Variants in LRMDA observed in about 807,000 individuals in gnomAD.
LRMDA encodes leucine rich melanocyte differentiation associated, also known as leucine-rich melanocyte differentiation-associated protein.
A neutral mutation model predicts 29.8 loss-of-function variants in LRMDA; 18 were observed. That is an observed-to-expected ratio of 0.60 (90% CI 0.42 to 0.90). LRMDA has a LOEUF of 0.90. LRMDA is among the 40% of genes least tolerant of loss of function. The pLI, the probability that LRMDA is intolerant of heterozygous loss-of-function variation, is 0.00. For synonymous variants in LRMDA, 125 were observed against 109.4 expected, an observed-to-expected ratio of 1.14 and a Z score of -0.89; for missense variants, 273 against 273.9, an observed-to-expected ratio of 1.00 and a Z score of 0.02.
chr10:76,550,851 T>C (rs7898456), intron 6 of LRMDA, among the ~76,000 whole-genome samples: 53,391 of 152,004 alleles, frequency 0.35, 9,904 homozygotes, highest in Non-Finnish European at 0.4. Flanking sequence ...TTATTCTGTC[T>C]TAGTATTTAA....
intron 2 of LRMDA, among the ~76,000 whole-genome samples, chr10:75,491,252 G>C (rs1354407739): frequency 7.9e-5 from 12 of 152,176 alleles, no homozygotes. Flanking sequence ...TTGAGACTGT[G>C]CTTTATATTA....
chr10:75,656,343 G>C (rs1841673782), intron 2 of LRMDA, among the ~76,000 whole-genome samples: 1 of 152,150 alleles, frequency 6.6e-6, no homozygotes, highest in Non-Finnish European at 1.5e-5. Context: ...CTGTGCCTTA[G>C]TTTCTTTATC....
chr10:76,468,870 G>C (rs1842590342), intron 6 of LRMDA, among the ~76,000 whole-genome samples: 1 of 152,148 alleles, frequency 6.6e-6, no homozygotes. Context: ...AAGAGGCATG[G>C]AGAGGGAGAA....
chr10:76,067,537 C>G (rs1446922631), intron 5 of LRMDA, among the ~76,000 whole-genome samples: 1 of 152,072 alleles, frequency 6.6e-6, no homozygotes, highest in Non-Finnish European at 1.5e-5. Context: ...TAAAGTTATC[C>G]ATATTTAAAA....
chr10:75,955,937 A>T (rs983234367), intron 2 of LRMDA, among the ~76,000 whole-genome samples: 8 of 152,232 alleles, frequency 5.3e-5, no homozygotes, highest in Non-Finnish European at 1.2e-4. Flanking sequence ...AAAGTTTATT[A>T]GTTATCTATT....
chr10:75,990,481 A>G (rs977985663), intron 2 of LRMDA, among the ~76,000 whole-genome samples: 1 of 152,222 alleles, frequency 6.6e-6, no homozygotes, highest in Non-Finnish European at 1.5e-5. Flanking sequence ...AAAAGTACAG[A>G]AATTATTAAT....
intron 5 of LRMDA, among the ~76,000 whole-genome samples, chr10:76,201,478 C>T (rs1244426966): frequency 6.6e-6 from 1 of 152,232 alleles, no homozygotes; most frequent in Non-Finnish European, 1.5e-5. Context: ...AGAGCTAGGT[C>T]TCATACCAAG....
rs34563574 is a variant in LRMDA, at chr10:76,180,277, C to CTTTT, written c.516+121517_516+121520dup. Among the ~76,000 whole-genome samples the CTTTT allele has an allele frequency of 3.3e-4, 30 of 89,862 alleles. 1 individual carries two copies. In the East Asian group the frequency reaches 5.0e-3, roughly 15 times the overall value. The allele number at this position is 89,862 out of a possible 152,430, so 59.0% of individuals were successfully genotyped here. On this transcript the variant is annotated intron_variant, in intron 5 of 6. Transcript: ENST00000611255. ...GCCATGGCCACTGCTTTGGAAAAAACTTTTTTTTTTTTTTTTTTTTTTTTT... is the reference window on the plus strand; with the variant it reads ...GCCATGGCCACTGCTTTGGAAAAAACTTTTTTTTTTTTTTTTTTTTTTTTTTTTT...
intron 2 of LRMDA, among the ~76,000 whole-genome samples, chr10:75,709,603 G>A (rs1842412612): frequency 6.6e-6 from 1 of 152,180 alleles, no homozygotes; most frequent in South Asian, 2.1e-4. Context: ...TCGTGCAGAA[G>A]TCATGATATT....
intron 2 of LRMDA, among the ~76,000 whole-genome samples, chr10:75,807,775 T>C (rs1843882038): frequency 6.6e-6 from 1 of 152,222 alleles, no homozygotes; most frequent in Non-Finnish European, 1.5e-5. Flanking sequence ...GAAAACATAA[T>C]GTACCTGTAT....
At position 76,526,685 on chromosome 10, in the gene LRMDA, A is replaced by G. The variant is rs1428968125; in HGVS notation, c.602-30524A>G. ...CTTTGCTAGATGCCATATGCACATC[A>G]ACTTATATCATGTTTACAACCACCT... On this transcript the variant is annotated intron_variant, in intron 6 of 6. Transcript: ENST00000611255. Among the ~76,000 whole-genome samples the G allele has an allele frequency of 7.9e-5, 12 of 151,928 alleles. No individual in the cohort carries two copies. In the East Asian group the frequency reaches 2.3e-3, roughly 29 times the overall value.
intron 2 of LRMDA, among the ~76,000 whole-genome samples, chr10:75,687,244 A>G (rs549277400): frequency 1.3e-5 from 2 of 152,364 alleles, no homozygotes; most frequent in South Asian, 2.1e-4. Flanking sequence ...ACAGTCCAAC[A>G]TGTCAGCCTC....
intron 5 of LRMDA, among the ~76,000 whole-genome samples, chr10:76,224,156 A>G (rs189690304): frequency 2.0e-5 from 3 of 152,096 alleles, no homozygotes; most frequent in South Asian, 4.2e-4. Flanking sequence ...TTCTATATGA[A>G]CACATATATC....
intron 2 of LRMDA, among the ~76,000 whole-genome samples, chr10:75,689,687 G>A (rs994366858): frequency 1.3e-5 from 2 of 152,190 alleles, no homozygotes; most frequent in African/African-American, 4.8e-5. Context: ...TGGGGGCAGG[G>A]GCTTTGCTGG....
chr10:76,349,164 T>G (rs2132429605), intron 6 of LRMDA, among the ~76,000 whole-genome samples: 1 of 152,336 alleles, frequency 6.6e-6, no homozygotes, highest in Admixed American at 6.5e-5. Context: ...TCATAGTCTG[T>G]AAATGGAGAT....
chr10:76,493,870 T>C (rs1159828171), intron 6 of LRMDA, among the ~76,000 whole-genome samples: 2 of 152,088 alleles, frequency 1.3e-5, no homozygotes, highest in Non-Finnish European at 2.9e-5. Context: ...ATTATATTTC[T>C]CTTGTTTTTA....
chr10:75,596,753 G>C (rs926390903), intron 2 of LRMDA, among the ~76,000 whole-genome samples: 2 of 152,130 alleles, frequency 1.3e-5, no homozygotes, highest in African/African-American at 2.4e-5. Context: ...TCATCCTGCA[G>C]TGCTATAGAA....
At chr10:76,529,859 C>T (rs1843215626) in intron 6 of LRMDA, among the ~76,000 whole-genome samples, 1 of 152,116 alleles carries the variant, frequency 6.6e-6, no homozygotes. Flanking sequence ...AAGCTACCTC[C>T]TGTACAGTAG....
At chr10:75,977,276 A>G (rs1847090047) in intron 2 of LRMDA, among the ~76,000 whole-genome samples, 1 of 152,164 alleles carries the variant, frequency 6.6e-6, no homozygotes, top group South Asian at 2.1e-4. Context: ...TTTAATTTGC[A>G]TGTGTTGCCT....
Sources: gnomAD v4.1 joint callset for allele counts (sites outside exome capture counted in the v4.1 genomes callset) on GRCh38, gnomAD v4.1.1 for gene constraint, MANE v1.5 for transcripts, NCBI Gene and HGNC (gene_info 2026-07-23, HGNC 2026-07-21) for gene names.